Variants in ELAPOR1 observed in about 807,000 individuals in gnomAD.
ELAPOR1 encodes the protein endosome/lysosome-associated apoptosis and autophagy regulator 1.
Under a neutral mutation model 119.7 loss-of-function variants are expected in ELAPOR1, and 77 were observed. That is an observed-to-expected ratio of 0.64 (90% confidence interval 0.54 to 0.78). The LOEUF (loss-of-function observed/expected upper bound fraction) is 0.78. ELAPOR1 is among the 30% of genes least tolerant of loss of function. ELAPOR1 has a pLI of 0.00. For missense variants in ELAPOR1, 1,115 were observed against 1,270.4 expected (o/e 0.88, Z 1.86); for synonymous variants, 481 against 487.2 (o/e 0.99, Z 0.17).
intron 20 of ELAPOR1, 54 bp from the exon 21 acceptor site, chr1:109,200,680 TC>T: frequency 3.2e-6 from 5 of 1,554,218 alleles, no homozygotes; most frequent in South Asian, 1.2e-5. Flanking sequence ...TCTACCTCTT[TC>T]CCCCTTATTC....
intron 1 of ELAPOR1, among the ~76,000 whole-genome samples, chr1:109,137,824 G>T (rs182458341): frequency 6.6e-6 from 1 of 152,162 alleles, no homozygotes; most frequent in Admixed American, 6.5e-5. Context: ...CACCGCGCCC[G>T]GCCTAAATTT....
chr1:109,192,961 A>C, intron 14 of ELAPOR1, 87 bp downstream of exon 14: 1 of 1,455,506 alleles, frequency 6.9e-7, no homozygotes, highest in Non-Finnish European at 9.3e-7. Context: ...GGTTCTTGAG[A>C]GGCTGATACC....
At chr1:109,191,157 T>G (rs982548938) in intron 11 of ELAPOR1, among the ~76,000 whole-genome samples, 1 of 152,018 alleles carries the variant, frequency 6.6e-6, no homozygotes. Flanking sequence ...AGAAAGAGAT[T>G]TCATCACCTC....
chr1:109,145,306 A>G (rs1420300360), intron 1 of ELAPOR1, among the ~76,000 whole-genome samples: 1 of 152,190 alleles, frequency 6.6e-6, no homozygotes, highest in Non-Finnish European at 1.5e-5. Flanking sequence ...TTCTTTAAAA[A>G]TCACCCAGTG....
At chr1:109,153,952 A>T (rs1650695998) in intron 1 of ELAPOR1, among the ~76,000 whole-genome samples, 1 of 151,964 alleles carries the variant, frequency 6.6e-6, no homozygotes, top group Non-Finnish European at 1.5e-5. Context: ...AACAGGTATT[A>T]CTTTGATAAT....
chr1:109,203,027 C>G lies in ELAPOR1; in HGVS notation c.*15C>G. On this transcript the variant is annotated 3_prime_UTR_variant, in exon 22 of 22. Transcript: ENST00000369939. ...TGGACCTGTGAGAGGCACTGCCTGC[C>G]TCACCTGCCTCCTCACCTTGCATAG... is the stretch of plus-strand genomic sequence containing the variant. 1 of 1,575,432 alleles carries G rather than the reference C, an allele frequency of 6.3e-7. No individual in the cohort carries two copies. Among genetic ancestry groups the G allele is most frequent in the Non-Finnish European group, 8.7e-7 (1 of 1,146,292 alleles).
At chr1:109,142,318 C>A (rs1490504847) in intron 1 of ELAPOR1, among the ~76,000 whole-genome samples, 1 of 152,190 alleles carries the variant, frequency 6.6e-6, no homozygotes, top group Non-Finnish European at 1.5e-5. Flanking sequence ...AAGAGCAAGT[C>A]AAAGAAAGCT....
At chr1:109,191,697 C>T in intron 12 of ELAPOR1, 29 bp from the exon 13 acceptor site, 1 of 1,613,098 alleles carries the variant, frequency 6.2e-7, no homozygotes, top group South Asian at 1.1e-5. Flanking sequence ...GGCCATCGCA[C>T]CCGCTTCACT....
At chr1:109,186,503 A>G (rs1033277861) in intron 8 of ELAPOR1, 2 of 985,328 alleles carry the variant, frequency 2.0e-6, no homozygotes, top group Non-Finnish European at 2.4e-6. Context: ...TTAACAATGA[A>G]TATTTTGCAC....
At chr1:109,155,129 C>T (rs1224310328) in intron 1 of ELAPOR1, among the ~76,000 whole-genome samples, 1 of 152,212 alleles carries the variant, frequency 6.6e-6, no homozygotes, top group Admixed American at 6.5e-5. Flanking sequence ...TAGCACATAA[C>T]AGGCCCTCAG....
At position 109,200,901 on chromosome 1, in the gene ELAPOR1, G is replaced by T; in HGVS notation, c.2973+1G>T. 1 of 1,613,192 alleles carries T rather than the reference G, an allele frequency of 6.2e-7. No homozygotes were observed. The highest frequency in any genetic ancestry group is 8.5e-7 in the Non-Finnish European group (1 of 1,179,536). ...GAAGATCAAATCATTTACCTCCAAG[G>T]TAGGGGTCCTGGCCAGTGCACTGAG... On this transcript the variant is annotated splice_donor_variant, in intron 21 of 21. Coordinates refer to ENST00000369939, the MANE Select transcript of ELAPOR1 (RefSeq NM_020775.5). LOFTEE classifies it high-confidence loss of function.
At chr1:109,143,051 G>C (rs1464780398) in intron 1 of ELAPOR1, among the ~76,000 whole-genome samples, 3 of 152,002 alleles carry the variant, frequency 2.0e-5, no homozygotes, top group East Asian at 3.9e-4. Flanking sequence ...CCGGGTTCAA[G>C]TTATTCTCCT....
rs544475494 is a variant in ELAPOR1 at position 109,187,230 on chromosome 1, G to A, written c.1042-947G>A. 49 of 985,390 alleles carry A rather than the reference G, an allele frequency of 5.0e-5. No individual in the cohort carries two copies. The Admixed American group carries it at 9.2e-4, about 19-fold the overall frequency. The allele number at this position is 985,390 out of a possible 1,614,324, so 61.0% of individuals were successfully genotyped here. A position where few individuals can be genotyped will look rare whatever the true frequency, so the allele number is the denominator to read the frequency against. On this transcript the variant is annotated intron_variant, in intron 8 of 21. Coordinates refer to ENST00000369939, the MANE Select transcript of ELAPOR1 (RefSeq NM_020775.5). ...AATGTGCTGCTCCAAGAGCTGGCCC[G>A]AGACAGTTTGCCAGCTCCTAGGACT...
chr1:109,122,050 G>C (rs1400359366), intron 1 of ELAPOR1, among the ~76,000 whole-genome samples: 4 of 151,030 alleles, frequency 2.6e-5, no homozygotes, highest in Non-Finnish European at 5.9e-5. Context: ...GGGATTACAG[G>C]CATGAGCCAC....
intron 1 of ELAPOR1, among the ~76,000 whole-genome samples, chr1:109,154,416 A>T (rs1650741348): frequency 6.6e-6 from 1 of 152,212 alleles, no homozygotes; most frequent in Non-Finnish European, 1.5e-5. Context: ...TTAGAAGTTC[A>T]ACTGTCTCAT....
At chr1:109,120,213 C>A (rs1013139317) in intron 1 of ELAPOR1, among the ~76,000 whole-genome samples, 1 of 152,034 alleles carries the variant, frequency 6.6e-6, no homozygotes, top group Admixed American at 6.6e-5. Flanking sequence ...GCCTGGCCAA[C>A]ATGTTGAAAC....
intron 1 of ELAPOR1, among the ~76,000 whole-genome samples, chr1:109,117,090 T>C (rs549243270): frequency 8.5e-5 from 13 of 152,284 alleles, no homozygotes; most frequent in Admixed American, 7.2e-4. Flanking sequence ...CTAATGACAA[T>C]AATATTGTTC....
chr1:109,160,103 T>A (rs1049171940), intron 1 of ELAPOR1, among the ~76,000 whole-genome samples: 2 of 152,164 alleles, frequency 1.3e-5, no homozygotes, highest in African/African-American at 4.8e-5. Flanking sequence ...CTAGATGACA[T>A]TGACATCTAC....
intron 4 of ELAPOR1, 80 bp downstream of exon 4, chr1:109,172,093 G>C: frequency 6.7e-7 from 1 of 1,492,938 alleles, no homozygotes; most frequent in African/African-American, 1.4e-5. Context: ...TCCATCATGA[G>C]TGTAGCCCTG....
Sources: allele counts gnomAD v4.1 joint callset (sites outside exome capture counted in the v4.1 genomes callset), GRCh38; gene constraint gnomAD v4.1.1; transcripts MANE v1.5; gene names NCBI Gene and HGNC (gene_info 2026-07-23, HGNC 2026-07-21).